AP5Z1: variants seen among roughly 807,000 people sequenced by gnomAD.
AP5Z1 encodes adaptor related protein complex 5 subunit zeta 1.
Under a neutral mutation model 83.0 loss-of-function variants are expected in AP5Z1, and 106 were observed. The ratio of observed to expected loss-of-function variants is 1.28; its 90% CI spans 1.09 to 1.50. The LOEUF is 1.50. AP5Z1 is among the 40% of genes most tolerant of loss of function. The pLI is 0.00. For missense variants in AP5Z1, 1,565 were observed against 1,094.2 expected (o/e 1.43, Z -6.07); for synonymous variants, 751 against 514.1 (o/e 1.46, Z -6.23).
At chr7:4,777,006 T>C (rs1420332528) in intron 1 of AP5Z1, among the ~76,000 whole-genome samples, 1 of 152,062 alleles carries the variant, frequency 6.6e-6, no homozygotes, top group Non-Finnish European at 1.5e-5. Flanking sequence ...TTATAGTGAG[T>C]GAGGTCTTGA....
In AP5Z1 at chr7:4,781,601, C is replaced by T; in HGVS notation, c.213C>T (p.Ala71=). Residue 71 remains alanine, a synonymous_variant, in exon 3 of 17, where the codon GCC becomes GCT. Coordinates refer to ENST00000649063, the MANE Select transcript of AP5Z1 (RefSeq NM_014855.3). ...LEKTCVDLLQ[A]TLGLPACPEQ... ...AGACATGCGTAGACCTGCTGCAGGC[C>T]ACCCTCGGCCTGCCTGCATGCCCCG... The T allele has an allele frequency of 1.9e-6, 3 of 1,609,700 alleles. No homozygotes were observed. Among genetic ancestry groups the T allele is most frequent in the East Asian group, 2.2e-5 (1 of 44,764 alleles).
At position 4,784,475 on chromosome 7, in the gene AP5Z1, C is replaced by T. The variant is rs1562407222; in HGVS notation, c.790+104C>T. 13 of 1,355,978 alleles carry T rather than the reference C, an allele frequency of 9.6e-6. No homozygotes were observed. In the East Asian group the frequency reaches 1.0e-4, roughly 10 times the overall value. The allele number at this position is 1,355,978 out of a possible 1,614,324, so 84.0% of individuals were successfully genotyped here. A position where few individuals can be genotyped will look rare whatever the true frequency, so the allele number is the denominator to read the frequency against. On this transcript the variant is annotated intron_variant, in intron 6 of 16. Coordinates refer to ENST00000649063, the MANE Select transcript of AP5Z1 (RefSeq NM_014855.3). ...GGAGGTGGGGGGACTCGGGTGTGCC[C>T]AGGATGCAGCAGAGGTCAGGACTGA...
rs1046138592 is a variant in AP5Z1, at chr7:4,784,029, C to T, written c.622-174C>T. The stretch of plus-strand genomic sequence containing the variant: ...GGCCTGCGGAGCAGGGTGTGCGACG[C>T]GCGTCTGCCTGGGGGTCAGGTGGGG... On this transcript the variant is annotated intron_variant, in intron 5 of 16. Transcript: ENST00000649063. Among the ~76,000 whole-genome samples the T allele has an allele frequency of 4.6e-5, 7 of 152,254 alleles. 1 individual carries two copies. The highest frequency in any genetic ancestry group is 4.1e-4 in the South Asian group (2 of 4,828).
chr7:4,783,414 C>T lies in AP5Z1; in HGVS notation c.465C>T (p.Pro155=), dbSNP rs758859483. ...GACCCAGCCTCAGACACCTCCTCCC[C>T]GTCATGGCCAAGGTCGTGGTCCTCA... ...PEGPSLRHLL[P]VMAKVVVLSP... The change falls in exon 4 of 17, where the codon CCC becomes CCT. Residue 155 remains proline, a synonymous_variant. Coordinates refer to ENST00000649063, the MANE Select transcript of AP5Z1 (RefSeq NM_014855.3). 6.8e-6 allele frequency: 11 copies of T among 1,613,104 alleles called. No homozygotes were observed. Among genetic ancestry groups the T allele is most frequent in the Non-Finnish European group, 8.5e-6 (10 of 1,179,768 alleles).
chr7:4,776,868 C>T (rs908199189), intron 1 of AP5Z1, among the ~76,000 whole-genome samples: 1 of 152,118 alleles, frequency 6.6e-6, no homozygotes, highest in African/African-American at 2.4e-5. Flanking sequence ...GTGCAGTGAG[C>T]CAAGATCGCA....
rs1401666175 is a variant in AP5Z1, at chr7:4,788,642, G to T, written c.1596-198G>T. On this transcript the variant is annotated intron_variant, in intron 12 of 16. Transcript: ENST00000649063. Reference sequence around the variant, plus strand: ...CTGCCCTCAGCCCACGCCAGCCTTTGTCCCGATGGCTTTACTGTCCCGGGT... The same window carrying T: ...CTGCCCTCAGCCCACGCCAGCCTTTTTCCCGATGGCTTTACTGTCCCGGGT... 38 of 544,180 alleles carry T rather than the reference G, an allele frequency of 7.0e-5. 2 individuals carry two copies. The South Asian group carries it at 1.1e-3, about 16-fold the overall frequency. The allele number at this position is 544,180 out of a possible 1,614,324, so 33.7% of individuals were successfully genotyped here. A position where few individuals can be genotyped will look rare whatever the true frequency, so the allele number is the denominator to read the frequency against.
chr7:4,787,660 C>A lies in AP5Z1; in HGVS notation c.1338C>A (p.Leu446=), dbSNP rs1254994728. The stretch of plus-strand genomic sequence containing the variant: ...TCCTGGCCTGGAACAGCCCACCCCT[C>A]ACCTCCGAGTTTGTGGCGCTCCTCC... ...FKFLAWNSPP[L]TSEFVALLPA... The change falls in exon 11 of 17, where the codon CTC becomes CTA. Residue 446 remains leucine (L), a synonymous_variant. Coordinates refer to ENST00000649063, the MANE Select transcript of AP5Z1 (RefSeq NM_014855.3). 1 of 1,553,404 alleles carries A rather than the reference C, an allele frequency of 6.4e-7. No individual in the cohort carries two copies. The highest frequency in any genetic ancestry group is 8.7e-7 in the Non-Finnish European group (1 of 1,148,994).
chr7:4,788,998 G>C, intron 13 of AP5Z1, 47 bp downstream of exon 13: 1 of 1,534,212 alleles, frequency 6.5e-7, no homozygotes, highest in Non-Finnish European at 8.9e-7. Context: ...CCTCACAACT[G>C]AGGGGCAGGC....
intron 1 of AP5Z1, among the ~76,000 whole-genome samples, chr7:4,779,236 A>T (rs537205883): frequency 1.9e-3 from 283 of 147,052 alleles, no homozygotes; most frequent in Middle Eastern, 0.011. Context: ...ATTAGATATA[A>T]CATATATAAC....
chr7:4,783,618 G>GC (rs1781446690), intron 4 of AP5Z1, 71 bp from the exon 5 acceptor site: 4 of 1,511,072 alleles, frequency 2.6e-6, no homozygotes, highest in Non-Finnish European at 3.6e-6. Context: ...AGAAAAGTCG[G>GC]CCAGCATCCC....
At chr7:4,784,130 G>T in intron 5 of AP5Z1, 73 bp from the exon 6 acceptor site, 1 of 1,487,612 alleles carries the variant, frequency 6.7e-7, no homozygotes, top group South Asian at 1.3e-5. Context: ...ACCTCCTGAG[G>T]AGCTTGTGCT....
In AP5Z1 at chr7:4,789,829, C is replaced by T. The variant is rs932673920; in HGVS notation, c.1708-3C>T. 6 of 1,551,178 alleles carry T rather than the reference C, an allele frequency of 3.9e-6. No individual in the cohort carries two copies. In the African/African-American group the frequency reaches 5.5e-5, roughly 14 times the overall value. On this transcript the variant is annotated splice_region_variant and splice_polypyrimidine_tract_variant and intron_variant, in intron 13 of 16. Transcript: ENST00000649063. ...GAGCCTGTTTCCCACTCCTGACCCC[C>T]AGGTGGCTGACGGGTCCCTGATCAA...
rs1306685929 is a variant in AP5Z1, at chr7:4,791,409, G to A, written c.*24G>A. Reference sequence around the variant, plus strand: ...GAAGGGACAGTGGCCAGGGACTTCGGTGCAGATTAAGAGCCTGGGCAGCCA... The same window carrying A: ...GAAGGGACAGTGGCCAGGGACTTCGATGCAGATTAAGAGCCTGGGCAGCCA... On this transcript the variant is annotated 3_prime_UTR_variant, in exon 17 of 17. Transcript: ENST00000649063. 7 of 1,587,884 alleles carry A rather than the reference G, an allele frequency of 4.4e-6. No individual in the cohort carries two copies. In the South Asian group the frequency reaches 4.5e-5, roughly 10 times the overall value.
chr7:4,778,851 G>T (rs1482400537), intron 1 of AP5Z1, among the ~76,000 whole-genome samples: 3 of 140,626 alleles, frequency 2.1e-5, no homozygotes, highest in African/African-American at 2.6e-5. Flanking sequence ...AATATATAAT[G>T]ATATATAATA....
Position 4,790,820 on chromosome 7 carries a change from C to G in AP5Z1, c.2086C>G (p.Gln696Glu), listed in dbSNP as rs756982699. ...TGCTGCCCTGCCCAGGTGTCCCCCC[C>G]AGGTGGTCACCGTGCTGATGACCAC... ...PSAALPRCPPQVVTVLMTTLT... is the reference protein window; with the variant it reads ...PSAALPRCPPEVVTVLMTTLT... The change falls in exon 16 of 17, where the codon CAG becomes GAG. Residue 696 changes from glutamine (Q) to glutamate (E), a missense_variant. Transcript: ENST00000649063. 17 of 1,609,232 alleles carry G rather than the reference C, an allele frequency of 1.1e-5. No homozygotes were observed. In the African/African-American group the frequency reaches 1.6e-4, roughly 15 times the overall value.
chr7:4,783,504 C>T (rs1320958502), intron 4 of AP5Z1, 44 bp downstream of exon 4: 1 of 1,598,754 alleles, frequency 6.3e-7, no homozygotes, highest in Non-Finnish European at 8.5e-7. Context: ...GTCTGCCTTC[C>T]CAGGTCCTTC....
chr7:4,781,486 C>T (rs1277179858), intron 2 of AP5Z1, 82 bp from the exon 3 acceptor site: 3 of 1,551,938 alleles, frequency 1.9e-6, no homozygotes, highest in South Asian at 1.2e-5. Flanking sequence ...CCAAGGGTGC[C>T]CGGCCAGGTG....
rs529887558 is a variant in AP5Z1, at chr7:4,781,559, G to A, written c.180-9G>A. On this transcript the variant is annotated splice_polypyrimidine_tract_variant and intron_variant, in intron 2 of 16. Transcript: ENST00000649063. ...TGTTACCGCCCACCACGGGCATCTC[G>A]CCTTCCAGGCTGGAGAAGACATGCG... is the stretch of plus-strand genomic sequence containing the variant. 4.9e-5 allele frequency: 79 copies of A among 1,601,718 alleles called. No homozygotes were observed. The highest frequency in any genetic ancestry group is 3.6e-4 in the East Asian group (16 of 44,490).
rs1781849335 is a variant in AP5Z1 at position 4,793,436 on chromosome 7, A to C, written c.*2051A>C. ...TGGGCTCCCACTTTGGCAGCACTTG[A>C]GGAGCCCTTCAGCCCGCCACTGCAC... On this transcript the variant is annotated 3_prime_UTR_variant, in exon 17 of 17. Coordinates refer to ENST00000649063, the MANE Select transcript of AP5Z1 (RefSeq NM_014855.3). The C allele has an allele frequency of 6.6e-6, 1 of 152,406 alleles. No homozygotes were observed. The highest frequency in any genetic ancestry group is 1.5e-5 in the Non-Finnish European group (1 of 68,214). The allele number at this position is 152,406 out of a possible 1,614,324, so 9.4% of individuals were successfully genotyped here. A position where few individuals can be genotyped will look rare whatever the true frequency, so the allele number is the denominator to read the frequency against.
Sources: gnomAD v4.1 joint callset for allele counts (sites outside exome capture counted in the v4.1 genomes callset) on GRCh38, gnomAD v4.1.1 for gene constraint, MANE v1.5 for transcripts, NCBI Gene and HGNC (gene_info 2026-07-23, HGNC 2026-07-21) for gene names.